The following RAD54L variants were observed in gnomAD, a reference collection of about 807,000 sequenced individuals.
The protein encoded by RAD54L is DNA repair and recombination protein RAD54-like.
Under a neutral mutation model 91.6 loss-of-function variants are expected in RAD54L, and 74 were observed. The observed-to-expected ratio is 0.81, with a 90% CI of 0.67 to 0.98. The LOEUF (loss-of-function observed/expected upper bound fraction) is 0.98. Among genes scored for constraint, RAD54L ranks in the 50% least tolerant of loss-of-function variants. The pLI, the probability that RAD54L is intolerant of heterozygous loss-of-function variation, is 0.00. For missense variants in RAD54L, 887 were observed against 945.7 expected, an observed-to-expected ratio of 0.94 and a Z score of 0.81; for synonymous variants, 304 against 349.7, an observed-to-expected ratio of 0.87 and a Z score of 1.46.
chr1:46,249,664 C>T (rs1659745139), intron 2 of RAD54L, among the ~76,000 whole-genome samples: 1 of 152,182 alleles, frequency 6.6e-6, no homozygotes, highest in Non-Finnish European at 1.5e-5. Context: ...TGTTTGGTTG[C>T]TCCATCATTC....
At chr1:46,254,939 A>G (rs764378398) in intron 3 of RAD54L, among the ~76,000 whole-genome samples, 13 of 152,124 alleles carry the variant, frequency 8.5e-5, no homozygotes, top group Non-Finnish European at 1.8e-4. Flanking sequence ...GAGGGAAAAG[A>G]GCTCATTAGG....
chr1:46,278,226 G>C lies in RAD54L; in HGVS notation c.2188G>C (p.Ala730Pro), dbSNP rs2148309211. The C allele has an allele frequency of 6.2e-7, 1 of 1,613,950 alleles. No homozygotes were observed. The highest frequency in any genetic ancestry group is 8.5e-7 in the Non-Finnish European group (1 of 1,179,976). ...LQAAWDAAST[A>P]ITFVFHQRSH... is the part of the protein sequence containing the mutation. Reference sequence around the variant, plus strand: ...GGCTGCCTGGGATGCTGCCTCCACTGCCATCACCTTCGTCTTCCACCAGCG... The same window carrying C: ...GGCTGCCTGGGATGCTGCCTCCACTCCCATCACCTTCGTCTTCCACCAGCG... Residue 730 changes from alanine to proline, a missense_variant, in exon 18 of 18, where the codon GCC becomes CCC. Coordinates refer to ENST00000371975, the MANE Select transcript of RAD54L (RefSeq NM_003579.4).
chr1:46,271,786 T>C (rs1270054456), intron 10 of RAD54L, among the ~76,000 whole-genome samples: 72 of 152,278 alleles, frequency 4.7e-4, no homozygotes, highest in South Asian at 2.1e-4. Context: ...CCTGGGGCCA[T>C]GTAGCAGCGG....
At chr1:46,257,817 A>G (rs940249197) in intron 3 of RAD54L, among the ~76,000 whole-genome samples, 2 of 152,194 alleles carry the variant, frequency 1.3e-5, no homozygotes, top group Non-Finnish European at 2.9e-5. Flanking sequence ...ACTGAGTACA[A>G]GTAAGGACCC....
At position 46,258,831 on chromosome 1, in the gene RAD54L, G is replaced by A; in HGVS notation, c.271+85G>A. 5 of 1,134,468 alleles carry A rather than the reference G, an allele frequency of 4.4e-6. No individual in the cohort carries two copies. In the South Asian group the frequency reaches 6.3e-5, roughly 14 times the overall value. 70.3% of individuals were successfully genotyped at this position (1,134,468 alleles called of 1,614,324 possible). A position where few individuals can be genotyped will look rare whatever the true frequency, so the allele number is the denominator to read the frequency against. On this transcript the variant is annotated intron_variant, in intron 4 of 17. Transcript: ENST00000371975. ...TAAAAACCTGCTTTTGTAAATACAA[G>A]CTTAGCTGGGAATTGAAGGTGCCAG...
In RAD54L at chr1:46,274,168, G is replaced by A. The variant is rs757409617; in HGVS notation, c.1641G>A (p.Met547Ile). 1 of 1,613,892 alleles carries A rather than the reference G, an allele frequency of 6.2e-7. No homozygotes were observed. Among genetic ancestry groups the A allele is most frequent in the Non-Finnish European group, 8.5e-7 (1 of 1,179,858 alleles). ...RYLYVRLDGT[M>I]SIKKRAKVVE... Reference sequence around the variant, plus strand: ...TATACGTCCGCCTGGATGGCACGATGTCCATTAAGAAGCGAGCCAAGGTTG... The same window carrying A: ...TATACGTCCGCCTGGATGGCACGATATCCATTAAGAAGCGAGCCAAGGTTG... Residue 547 changes from methionine (M) to isoleucine (I), a missense_variant, in exon 15 of 18, where the codon ATG (methionine) becomes ATA (isoleucine). Met to Ile is a conservative substitution (Grantham distance 10). Transcript: ENST00000371975.
chr1:46,273,918 C>T (rs1368747386), intron 14 of RAD54L, among the ~76,000 whole-genome samples, 171 bp downstream of exon 14: 3 of 152,086 alleles, frequency 2.0e-5, no homozygotes, highest in Non-Finnish European at 4.4e-5. Context: ...TAGAAGATCC[C>T]CTAGTCCTTC....
At chr1:46,266,892 G>C (rs1268542151) in intron 8 of RAD54L, among the ~76,000 whole-genome samples, 29 of 152,180 alleles carry the variant, frequency 1.9e-4, no homozygotes, top group Non-Finnish European at 1.6e-4. Flanking sequence ...GGGAATCTTT[G>C]CTTTATGGGT....
Position 46,265,024 on chromosome 1 carries a change from C to G in RAD54L, c.892-2435C>G, listed in dbSNP as rs911091016. Among the ~76,000 whole-genome samples the G allele has an allele frequency of 1.3e-5, 2 of 152,162 alleles. No individual in the cohort carries two copies. Among genetic ancestry groups the G allele is most frequent in the Non-Finnish European group, 2.9e-5 (2 of 68,030 alleles). On this transcript the variant is annotated intron_variant, in intron 8 of 17. Transcript: ENST00000371975. The surrounding 1 kb of genome is among the most constrained non-coding windows in gnomAD (Gnocchi z 4.8). ...CCCTGGAGATCTCACAATGCTGTCCCTCAGGGAGCTTCAGTTTAGAAGATC... is the reference window on the plus strand; with the variant it reads ...CCCTGGAGATCTCACAATGCTGTCCGTCAGGGAGCTTCAGTTTAGAAGATC...
chr1:46,248,283 C>A lies in RAD54L; in HGVS notation c.-123C>A. The A allele has an allele frequency of 7.9e-7, 1 of 1,259,130 alleles. No homozygotes were observed. Among genetic ancestry groups the A allele is most frequent in the Non-Finnish European group, 1.1e-6 (1 of 874,718 alleles). 78.0% of individuals were successfully genotyped at this position (1,259,130 alleles called of 1,614,324 possible). On this transcript the variant is annotated 5_prime_UTR_variant, in exon 1 of 18. Coordinates refer to ENST00000371975, the MANE Select transcript of RAD54L (RefSeq NM_003579.4). ...CATCCATGCCCCCTCTTTAATTAGC[C>A]GGTCCTCTCAATAATGTAGCAGCCC...
At position 46,260,108 on chromosome 1, in the gene RAD54L, A is replaced by G; in HGVS notation, c.407+9A>G. The G allele has an allele frequency of 6.2e-7, 1 of 1,614,158 alleles. No homozygotes were observed. The highest frequency in any genetic ancestry group is 8.5e-7 in the Non-Finnish European group (1 of 1,180,034). On this transcript the variant is annotated intron_variant, in intron 5 of 17. Coordinates refer to ENST00000371975, the MANE Select transcript of RAD54L (RefSeq NM_003579.4). Reference sequence around the variant, plus strand: ...CAGCTGAAGCTTGACAAGTATGTGCACTGGTATTTCATAAGCAGTTTTGGT... The same window carrying G: ...CAGCTGAAGCTTGACAAGTATGTGCGCTGGTATTTCATAAGCAGTTTTGGT...
At chr1:46,251,771 A>C (rs1415862763) in intron 3 of RAD54L, among the ~76,000 whole-genome samples, 1 of 152,140 alleles carries the variant, frequency 6.6e-6, no homozygotes, top group Non-Finnish European at 1.5e-5. Flanking sequence ...TTAGCTGGGC[A>C]TGGTGGCGTG....
intron 16 of RAD54L, among the ~76,000 whole-genome samples, chr1:46,276,284 G>C (rs560485657): frequency 1.3e-5 from 2 of 152,194 alleles, no homozygotes; most frequent in South Asian, 2.1e-4. Flanking sequence ...TCAACCCCCT[G>C]AAGTAGCTGG....
At chr1:46,277,641 G>T in intron 16 of RAD54L, 176 bp from the exon 17 acceptor site, 2 of 725,450 alleles carry the variant, frequency 2.8e-6, no homozygotes, top group Non-Finnish European at 4.6e-6. Context: ...GTTCTCAGGA[G>T]ACAGACTGGG....
Position 46,248,570 on chromosome 1 carries a change from A to G in RAD54L, c.62A>G (p.Asp21Gly), listed in dbSNP as rs28363192. Residue 21 changes from aspartate (D) to glycine (G), a missense_variant, in exon 2 of 18, where the codon GAT becomes GGT. By Grantham distance (94) the Asp-to-Gly change is moderately conservative. Transcript: ENST00000371975. ...AKRKPEGRSC[D>G]DEDWQPGLVT... Reference sequence around the variant, plus strand: ...AGAAAACCTGAAGGCAGGTCCTGTGATGATGAAGACTGGCAACCTGGCCTA... The same window carrying G: ...AGAAAACCTGAAGGCAGGTCCTGTGGTGATGAAGACTGGCAACCTGGCCTA... 0.014 allele frequency: 23,348 copies of G among 1,614,142 alleles called. 221 individuals carry two copies. Among genetic ancestry groups the G allele is most frequent in the Non-Finnish European group, 0.018 (20,947 of 1,180,010 alleles).
Position 46,263,450 on chromosome 1 carries a change from G to T in RAD54L, c.891+2065G>T, listed in dbSNP as rs1243808173. ...GGCCCTATCTGTCAACCAGTTGTCA[G>T]GCTAGGCTCAGCTCTGGGTACTGTA... On this transcript the variant is annotated intron_variant, in intron 8 of 17. Coordinates refer to ENST00000371975, the MANE Select transcript of RAD54L (RefSeq NM_003579.4). The surrounding 1 kb of genome is among the most constrained non-coding windows in gnomAD (Gnocchi z 4.3). Among the ~76,000 whole-genome samples the T allele has an allele frequency of 1.3e-5, 2 of 152,204 alleles. No homozygotes were observed. The highest frequency in any genetic ancestry group is 2.9e-5 in the Non-Finnish European group (2 of 68,036).
chr1:46,255,491 CCT>C (rs1659915122), intron 3 of RAD54L, among the ~76,000 whole-genome samples: 1 of 122,636 alleles, frequency 8.2e-6, no homozygotes, highest in Non-Finnish European at 1.7e-5. Context: ...GTTGGCCATT[CCT>C]TTTTTTTTTT....
intron 3 of RAD54L, among the ~76,000 whole-genome samples, chr1:46,256,835 C>A (rs1488587552): frequency 6.6e-6 from 1 of 151,380 alleles, no homozygotes. Flanking sequence ...AAATTCATTA[C>A]TTTTTTTAAA....
rs1445492665 is a variant in RAD54L at position 46,273,509 on chromosome 1, G to T, written c.1486+44G>T. The T allele has an allele frequency of 1.9e-6, 3 of 1,610,896 alleles. No homozygotes were observed. The Admixed American group carries it at 5.0e-5, about 27-fold the overall frequency. On this transcript the variant is annotated intron_variant, in intron 13 of 17. Transcript: ENST00000371975. ...GTATTTGGGCTTCTCTAGGAGGAGG[G>T]TGGGAGATTTTTTTTTGTGCTAGGG...
Sources: gnomAD v4.1 joint callset for allele counts (sites outside exome capture counted in the v4.1 genomes callset) on GRCh38, gnomAD v4.1.1 for gene constraint, Gnocchi (gnomAD v3.1) non-coding constraint, MANE v1.5 for transcripts, NCBI Gene and HGNC (gene_info 2026-07-23, HGNC 2026-07-21) for gene names.